RBM17: variants seen among roughly 807,000 people sequenced by gnomAD.
The protein encoded by RBM17 is splicing factor 45.
RBM17 carries 7 observed loss-of-function variants against 53.2 expected under a neutral mutation model. That is an observed-to-expected ratio of 0.13 (90% CI 0.07 to 0.25). The LOEUF (loss-of-function observed/expected upper bound fraction) is 0.25. RBM17 is among the 10% of genes least tolerant of loss of function. The pLI, the probability that RBM17 is intolerant of heterozygous loss-of-function variation, is 1.00. For missense variants in RBM17, 257 were observed against 496.7 expected (o/e 0.52, Z 4.59); for synonymous variants, 167 against 178.1 (o/e 0.94, Z 0.50).
intron 2 of RBM17, among the ~76,000 whole-genome samples, chr10:6,100,556 A>G (rs1348611902): frequency 6.6e-6 from 1 of 152,218 alleles, no homozygotes; most frequent in Non-Finnish European, 1.5e-5. Flanking sequence ...AGAGGAAAAA[A>G]AGGAAGAGGA....
chr10:6,103,948 T>C (rs1220575524), intron 3 of RBM17, among the ~76,000 whole-genome samples: 1 of 152,202 alleles, frequency 6.6e-6, no homozygotes, highest in African/African-American at 2.4e-5. Flanking sequence ...TGAATCCTTG[T>C]TGTTTTGCAT....
chr10:6,103,818 G>C (rs931480038), intron 3 of RBM17, among the ~76,000 whole-genome samples: 19 of 152,288 alleles, frequency 1.2e-4, no homozygotes, highest in African/African-American at 4.1e-4. Context: ...CGTGTAAGCT[G>C]TCTTGATTTT....
rs1000608699 is a variant in RBM17, at chr10:6,110,205, G to A, written c.704+78G>A. On this transcript the variant is annotated intron_variant, in intron 7 of 11. Transcript: ENST00000379888. Reference sequence around the variant, plus strand: ...ATAGCCCTTTCAATAGATGCAGCTTGTTTGAAACTGAGGACATTCAGGACC... The same window carrying A: ...ATAGCCCTTTCAATAGATGCAGCTTATTTGAAACTGAGGACATTCAGGACC... The A allele has an allele frequency of 5.9e-6, 8 of 1,347,582 alleles. No individual in the cohort carries two copies. In the African/African-American group the frequency reaches 1.2e-4, roughly 20 times the overall value. The allele number at this position is 1,347,582 out of a possible 1,614,324, so 83.5% of individuals were successfully genotyped here.
At chr10:6,105,382 G>A (rs1202639283) in intron 4 of RBM17, among the ~76,000 whole-genome samples, 1 of 152,140 alleles carries the variant, frequency 6.6e-6, no homozygotes, top group African/African-American at 2.4e-5. Flanking sequence ...CTGATACTCT[G>A]CTATAGGTTG....
At chr10:6,115,145 T>A (rs1840895766) in intron 10 of RBM17, 94 bp from the exon 11 acceptor site, 2 of 952,284 alleles carry the variant, frequency 2.1e-6, no homozygotes, top group Non-Finnish European at 3.2e-6. Context: ...ATGATGATAA[T>A]TAGAATATCC....
chr10:6,115,269 C>T lies in RBM17; in HGVS notation c.1060C>T (p.Arg354Trp). 1 of 1,613,654 alleles carries T rather than the reference C, an allele frequency of 6.2e-7. No individual in the cohort carries two copies. The highest frequency in any genetic ancestry group is 8.5e-7 in the Non-Finnish European group (1 of 1,179,768). ...IPGAPDDEAV[R>W]IFLEFERVES... The stretch of plus-strand genomic sequence containing the variant: ...TGGTGCCCCTGATGATGAAGCAGTA[C>T]GGATATTTTTAGAATTTGAGAGAGT... Residue 354 changes from arginine to tryptophan, a missense_variant, in exon 11 of 12, where the codon CGG (arginine) becomes TGG (tryptophan). This residue lies in a region of RBM17 where 49 missense variants were observed against 114.8 expected (regional missense o/e 0.43). Coordinates refer to ENST00000379888, the MANE Select transcript of RBM17 (RefSeq NM_032905.5).
intron 1 of RBM17, chr10:6,096,829 T>C (rs1362769745): frequency 6.6e-6 from 2 of 301,024 alleles, no homozygotes; most frequent in East Asian, 6.8e-5. Context: ...CATGATCTTA[T>C]AGATGGAAAA....
At chr10:6,103,172 C>G (rs1840694571) in intron 3 of RBM17, among the ~76,000 whole-genome samples, 1 of 152,144 alleles carries the variant, frequency 6.6e-6, no homozygotes, top group East Asian at 1.9e-4. Context: ...ATTAAGATAT[C>G]AGCCATTTTT....
intron 7 of RBM17, among the ~76,000 whole-genome samples, chr10:6,111,449 C>G (rs1287229155): frequency 2.0e-5 from 3 of 152,252 alleles, no homozygotes; most frequent in Non-Finnish European, 2.9e-5. Flanking sequence ...AAGCAGTTCT[C>G]CTGCCTCAGC....
rs546047328 is a variant in RBM17 at position 6,108,595 on chromosome 10, G to A, written c.506-91G>A. On this transcript the variant is annotated intron_variant, in intron 5 of 11. Transcript: ENST00000379888. ...TCCTCCTTTTTTAGTTTTTTCTTAG[G>A]GGGGTGGGTGATAGATATATGGTGT... is the stretch of plus-strand genomic sequence containing the variant. The A allele has an allele frequency of 8.4e-6, 8 of 953,486 alleles. No homozygotes were observed. In the East Asian group the frequency reaches 1.6e-4, roughly 19 times the overall value. 59.1% of individuals were successfully genotyped at this position (953,486 alleles called of 1,614,324 possible).
At chr10:6,103,614 C>T (rs1840702115) in intron 3 of RBM17, among the ~76,000 whole-genome samples, 1 of 152,166 alleles carries the variant, frequency 6.6e-6, no homozygotes, top group South Asian at 2.1e-4. Context: ...AGGAGCCCTA[C>T]ATTAAATACA....
intron 2 of RBM17, among the ~76,000 whole-genome samples, chr10:6,099,978 A>C (rs967096601): frequency 6.6e-6 from 1 of 152,138 alleles, no homozygotes; most frequent in African/African-American, 2.4e-5. Flanking sequence ...GAGTTGCTTC[A>C]ACCTGGGAGG....
At chr10:6,106,302 C>G in intron 5 of RBM17, 64 bp downstream of exon 5, 1 of 1,086,932 alleles carries the variant, frequency 9.2e-7, no homozygotes, top group Admixed American at 1.9e-5. Context: ...CCACTATGTG[C>G]TTTTTCTTTT....
chr10:6,115,030 C>A, intron 10 of RBM17: 1 of 569,618 alleles, frequency 1.8e-6, no homozygotes, highest in South Asian at 2.3e-5. Flanking sequence ...GCCCTGTGTT[C>A]CTGGCACCTA....
At chr10:6,098,541 T>G (rs941687676) in intron 2 of RBM17, among the ~76,000 whole-genome samples, 4 of 150,794 alleles carry the variant, frequency 2.7e-5, no homozygotes, top group Non-Finnish European at 1.5e-5. Context: ...GTTTGAAAAT[T>G]TCCGTAATAC....
chr10:6,091,310 C>T (rs1257191948), intron 1 of RBM17, among the ~76,000 whole-genome samples: 1 of 152,086 alleles, frequency 6.6e-6, no homozygotes. Context: ...CCTCCTGCCT[C>T]GGCCTCCCAA....
chr10:6,106,776 G>GT (rs774956122), intron 5 of RBM17, among the ~76,000 whole-genome samples: 47 of 150,870 alleles, frequency 3.1e-4, no homozygotes, highest in African/African-American at 8.0e-4. Context: ...AAGGACATTT[G>GT]TTTTTTTTTC....
At chr10:6,108,316 A>G (rs958029512) in intron 5 of RBM17, among the ~76,000 whole-genome samples, 10 of 152,116 alleles carry the variant, frequency 6.6e-5, no homozygotes, top group African/African-American at 2.4e-4. Context: ...GAACGAGGCC[A>G]TGTGTATAAA....
intron 2 of RBM17, among the ~76,000 whole-genome samples, chr10:6,098,563 G>GTTTTTTTTTTT (rs398012715): frequency 2.4e-4 from 11 of 46,642 alleles, no homozygotes; most frequent in African/African-American, 4.8e-4. Flanking sequence ...CAGGTTTTTT[G>GTTTTTTTTTTT]TTTTTTTTTT....
Sources: allele counts gnomAD v4.1 joint callset (sites outside exome capture counted in the v4.1 genomes callset), GRCh38; gene constraint gnomAD v4.1.1; regional missense constraint gnomAD v4.1.1; transcripts MANE v1.5; gene names NCBI Gene and HGNC (gene_info 2026-07-23, HGNC 2026-07-21).